Variants in DNAJC13 observed in about 807,000 individuals in gnomAD.
DNAJC13 encodes DnaJ heat shock protein family (Hsp40) member C13.
In DNAJC13, 75 loss-of-function variants were observed where a neutral mutation model predicts 290.5. The observed-to-expected ratio is 0.26, with a 90% CI of 0.21 to 0.31. The LOEUF (loss-of-function observed/expected upper bound fraction) is 0.31, where lower values mean the gene tolerates loss of function less well. Among genes scored for constraint, DNAJC13 ranks in the 10% least tolerant of loss-of-function variants. DNAJC13 has a pLI of 1.00. For missense variants in DNAJC13, 2,260 were observed against 2,674.5 expected (o/e 0.85, Z 3.42); for synonymous variants, 862 against 892.0 (o/e 0.97, Z 0.60).
chr3:132,455,963 A>G (rs79985848), intron 9 of DNAJC13, among the ~76,000 whole-genome samples: 1,644 of 152,322 alleles, frequency 0.011, 24 homozygotes, highest in African/African-American at 0.037. Flanking sequence ...TGATTTGTCA[A>G]TTAGAACCGA....
chr3:132,494,075 T>C (rs942341256), intron 33 of DNAJC13, 69 bp from the exon 34 acceptor site: 120 of 1,071,216 alleles, frequency 1.1e-4, no homozygotes, highest in Middle Eastern at 1.1e-3. Flanking sequence ...GCACAATAAT[T>C]CTATAACTTA....
chr3:132,484,753 T>C, intron 29 of DNAJC13, 81 bp downstream of exon 29: 1 of 1,305,994 alleles, frequency 7.7e-7, no homozygotes, highest in African/African-American at 1.5e-5. Flanking sequence ...CTTTGTTTTG[T>C]TGCAGTCTAT....
rs1172876648 is a variant in DNAJC13, at chr3:132,456,241, C to T, written c.939C>T (p.Ser313=). The change falls in exon 10 of 56, where the codon TCC becomes TCT. Residue 313 remains serine (S), a synonymous_variant. Transcript: ENST00000260818. The part of the protein sequence containing the change: ...VRKYSSTERD[S]LLASLLDGVR... ...TACTTTTAATCTTACTTAGAGATTC[C>T]TTATTAGCAAGTTTGCTGGATGGAG... 3 of 1,609,938 alleles carry T rather than the reference C, an allele frequency of 1.9e-6. No homozygotes were observed. The highest frequency in any genetic ancestry group is 2.5e-6 in the Non-Finnish European group (3 of 1,178,824).
At chr3:132,537,168 T>C (rs1273498653) in intron 55 of DNAJC13, 1 of 456,314 alleles carries the variant, frequency 2.2e-6, no homozygotes, top group Admixed American at 2.3e-5. Flanking sequence ...GTGTCTCTCC[T>C]TCCCTTCTAA....
At chr3:132,489,488 TAA>T (rs57953440) in intron 31 of DNAJC13, among the ~76,000 whole-genome samples, 5 of 145,528 alleles carry the variant, frequency 3.4e-5, no homozygotes, top group South Asian at 2.1e-4. Context: ...AGCTGGGAAT[TAA>T]AAAAAAAAAA....
chr3:132,450,935 T>G (rs779000663), intron 6 of DNAJC13, 88 bp downstream of exon 6: 87 of 751,880 alleles, frequency 1.2e-4, no homozygotes, highest in Non-Finnish European at 1.8e-4. Flanking sequence ...CATTTTGAAA[T>G]TTCACGTGAG....
intron 29 of DNAJC13, 34 bp from the exon 30 acceptor site, chr3:132,488,264 A>G: frequency 6.5e-7 from 1 of 1,549,592 alleles, no homozygotes. Context: ...CAGGTTTTTT[A>G]CAACCCAATA....
chr3:132,480,594 A>G (rs908354517), intron 26 of DNAJC13, 124 bp downstream of exon 26: 7 of 649,022 alleles, frequency 1.1e-5, no homozygotes, highest in African/African-American at 7.4e-5. Context: ...TTACAGTAGT[A>G]CTAGTTCTGA....
rs77666121 is a variant in DNAJC13 at position 132,499,880 on chromosome 3, T to C, written c.4416+72T>C. On this transcript the variant is annotated intron_variant, in intron 38 of 55. Coordinates refer to ENST00000260818, the MANE Select transcript of DNAJC13 (RefSeq NM_015268.4). The stretch of plus-strand genomic sequence containing the variant: ...GTTCAGACTTTAACATATCTGAGAA[T>C]CAACTGGAGGGCTCATTAAACTGTA... The C allele has an allele frequency of 9.2e-3, 12,645 of 1,374,336 alleles. 82 individuals carry two copies. The highest frequency in any genetic ancestry group is 0.012 in the Non-Finnish European group (11,478 of 975,660). The allele number at this position is 1,374,336 out of a possible 1,614,324, so 85.1% of individuals were successfully genotyped here. A position where few individuals can be genotyped will look rare whatever the true frequency, so the allele number is the denominator to read the frequency against.
At chr3:132,422,923 A>T (rs1938999166) in intron 1 of DNAJC13, among the ~76,000 whole-genome samples, 1 of 152,236 alleles carries the variant, frequency 6.6e-6, no homozygotes, top group Non-Finnish European at 1.5e-5. Context: ...TATTTAGCAC[A>T]TGCCCAGTGG....
At position 132,499,250 on chromosome 3, in the gene DNAJC13, C is replaced by T. The variant is rs779176693; in HGVS notation, c.4281C>T (p.Phe1427=). The change falls in exon 37 of 56, where the codon TTC becomes TTT. Residue 1427 remains phenylalanine, a synonymous_variant. Transcript: ENST00000260818. ...TGCCTGCGGCTACAGAGCTAGCTTT[C>T]CATACTGTCAACTGTTCAGCCCTCA... ...PLLPAATELA[F]HTVNCSALNA... 2.7e-5 allele frequency: 43 copies of T among 1,613,966 alleles called. No homozygotes were observed. The highest frequency in any genetic ancestry group is 4.4e-5 in the South Asian group (4 of 91,076).
chr3:132,495,308 TG>T (rs1292119735), intron 35 of DNAJC13, 142 bp downstream of exon 35: 1 of 592,978 alleles, frequency 1.7e-6, no homozygotes, highest in African/African-American at 1.9e-5. Context: ...TCTGGCCACA[TG>T]CCCATAGTTT....
rs1935870824 is a variant in DNAJC13, at chr3:132,514,682, G to C, written c.5485+12G>C. ...TTCATTGCCATCAAGTATGTATACA[G>C]ATGGAATTTTGGAAACCACAGCAAG... On this transcript the variant is annotated intron_variant, in intron 46 of 55. Coordinates refer to ENST00000260818, the MANE Select transcript of DNAJC13 (RefSeq NM_015268.4). 6.2e-7 allele frequency: 1 copy of C among 1,600,008 alleles called. No homozygotes were observed. The highest frequency in any genetic ancestry group is 1.1e-5 in the South Asian group (1 of 89,032).
At chr3:132,443,248 G>C (rs906224099) in intron 2 of DNAJC13, among the ~76,000 whole-genome samples, 2 of 152,108 alleles carry the variant, frequency 1.3e-5, no homozygotes, top group African/African-American at 4.8e-5. Flanking sequence ...TGCCTCCTGG[G>C]TTCAAGCAAT....
intron 20 of DNAJC13, among the ~76,000 whole-genome samples, chr3:132,469,826 G>T (rs1934125333): frequency 6.6e-6 from 1 of 151,284 alleles, no homozygotes; most frequent in South Asian, 2.1e-4. Flanking sequence ...CTAGTCTGGG[G>T]TTTTTTTGCA....
At chr3:132,428,787 C>T (rs1055858557) in intron 1 of DNAJC13, among the ~76,000 whole-genome samples, 2 of 152,186 alleles carry the variant, frequency 1.3e-5, no homozygotes, top group Admixed American at 1.3e-4. Flanking sequence ...CCGGATGGAG[C>T]GCAGTGGTGC....
At chr3:132,489,225 C>T (rs1934981958) in intron 31 of DNAJC13, among the ~76,000 whole-genome samples, 1 of 152,158 alleles carries the variant, frequency 6.6e-6, no homozygotes, top group Admixed American at 6.5e-5. Flanking sequence ...GTTGCTGACT[C>T]ATTAGACTTA....
chr3:132,448,812 G>A (rs1006292138), intron 5 of DNAJC13, among the ~76,000 whole-genome samples: 3 of 152,028 alleles, frequency 2.0e-5, no homozygotes, highest in Non-Finnish European at 2.9e-5. Context: ...GCCCAGCAGC[G>A]TTTAAAAATA....
At chr3:132,507,423 A>C (rs1405834978) in intron 43 of DNAJC13, 70 bp downstream of exon 43, 1 of 911,322 alleles carries the variant, frequency 1.1e-6, no homozygotes, top group East Asian at 2.5e-5. Flanking sequence ...TAGTTTATTC[A>C]CACTTTATAG....
Sources: allele counts gnomAD v4.1 joint callset (sites outside exome capture counted in the v4.1 genomes callset), GRCh38; gene constraint gnomAD v4.1.1; transcripts MANE v1.5; gene names NCBI Gene and HGNC (gene_info 2026-07-23, HGNC 2026-07-21).